The following PDE1C variants were observed in gnomAD, a reference collection of about 807,000 sequenced individuals.
PDE1C encodes dual specificity calcium/calmodulin-dependent 3',5'-cyclic nucleotide phosphodiesterase 1C.
PDE1C carries 62 observed loss-of-function variants against 93.1 expected under a neutral mutation model. That is an observed-to-expected ratio of 0.67 (90% CI 0.54 to 0.82). The LOEUF (loss-of-function observed/expected upper bound fraction) is 0.82, where lower values mean the gene tolerates loss of function less well. PDE1C is among the 40% of genes least tolerant of loss of function. PDE1C has a pLI of 0.00. For missense variants in PDE1C, 742 were observed against 884.6 expected (o/e 0.84, Z 2.04); for synonymous variants, 325 against 310.1 (o/e 1.05, Z -0.50).
At chr7:32,265,400 G>A (rs1184053898) in intron 1 of PDE1C, among the ~76,000 whole-genome samples, 1 of 152,192 alleles carries the variant, frequency 6.6e-6, no homozygotes. Flanking sequence ...AGGCCAATAG[G>A]ACTGTGTCAT....
At chr7:31,864,556 C>A (rs908555172) in intron 7 of PDE1C, among the ~76,000 whole-genome samples, 2 of 152,286 alleles carry the variant, frequency 1.3e-5, no homozygotes, top group African/African-American at 2.4e-5. Flanking sequence ...GCTAACTTTG[C>A]GTAACACGGT....
At chr7:31,717,185 C>G in the PDE1C span, among the ~76,000 whole-genome samples, 1 of 152,270 alleles carries the variant, frequency 6.6e-6, no homozygotes, top group South Asian at 2.1e-4. Flanking sequence ...TTCTCAATGC[C>G]TCTAAAATTT....
chr7:32,394,264 GTT>G (rs1246919791), intron 1 of PDE1C, among the ~76,000 whole-genome samples: 3 of 152,316 alleles, frequency 2.0e-5, no homozygotes, highest in African/African-American at 4.8e-5. Context: ...AGTCAAAAGA[GTT>G]TTTTTAAAAA....
chr7:32,329,949 T>A (rs1296586057), intron 1 of PDE1C, among the ~76,000 whole-genome samples: 1 of 152,240 alleles, frequency 6.6e-6, no homozygotes, highest in Admixed American at 6.5e-5. Context: ...CATGTTGCCT[T>A]TGTCTCCCCA....
At chr7:32,261,875 A>G (rs1810227960) in intron 1 of PDE1C, among the ~76,000 whole-genome samples, 1 of 152,208 alleles carries the variant, frequency 6.6e-6, no homozygotes, top group African/African-American at 2.4e-5. Context: ...GTTTTAAAAT[A>G]TTGTTCTTAA....
intron 1 of PDE1C, among the ~76,000 whole-genome samples, chr7:32,398,026 G>A (rs1390432894): frequency 1.3e-5 from 2 of 152,112 alleles, no homozygotes; most frequent in Non-Finnish European, 2.9e-5. Flanking sequence ...GGTGGCGGGC[G>A]CCTGTAGTCC....
chr7:31,743,156 G>C, the PDE1C span, among the ~76,000 whole-genome samples: 1 of 152,094 alleles, frequency 6.6e-6, no homozygotes, highest in Admixed American at 6.6e-5. Context: ...AGCAATCTTT[G>C]TGAAATATGA....
At chr7:31,738,335 A>G in the PDE1C span, among the ~76,000 whole-genome samples, 1 of 152,152 alleles carries the variant, frequency 6.6e-6, no homozygotes, top group East Asian at 1.9e-4. Context: ...CCTCACAATC[A>G]TGGCGGTAGG....
chr7:32,348,887 GATCAATA>G (rs149528327), intron 1 of PDE1C, among the ~76,000 whole-genome samples: 18,881 of 152,088 alleles, frequency 0.12, 1,600 homozygotes, highest in East Asian at 0.37. Context: ...TCTGATCAAA[GATCAATA>G]AGCAACCAAG....
the PDE1C span, among the ~76,000 whole-genome samples, chr7:31,622,659 A>G: frequency 1.3e-5 from 2 of 152,188 alleles, no homozygotes; most frequent in Admixed American, 1.3e-4. Flanking sequence ...AAAGCAGGAA[A>G]GATCCAAAAT....
the PDE1C span, among the ~76,000 whole-genome samples, chr7:31,676,762 G>GA: frequency 1.3e-5 from 2 of 151,884 alleles, no homozygotes; most frequent in Admixed American, 1.3e-4. Context: ...CACAAAAATT[G>GA]TTTCTATGAA....
At chr7:32,424,671 G>A (rs774631737) in intron 1 of PDE1C, among the ~76,000 whole-genome samples, 5 of 152,058 alleles carry the variant, frequency 3.3e-5, no homozygotes, top group Non-Finnish European at 7.4e-5. Flanking sequence ...AATTAGCTGG[G>A]TGTGTTGGTG....
chr7:32,205,520 A>C (rs1044871338), intron 2 of PDE1C, among the ~76,000 whole-genome samples: 1 of 152,210 alleles, frequency 6.6e-6, no homozygotes, highest in African/African-American at 2.4e-5. Flanking sequence ...AGCACTCTGT[A>C]AAACGGACCA....
intron 11 of PDE1C, among the ~76,000 whole-genome samples, chr7:31,831,096 C>T (rs2128751798): frequency 6.6e-6 from 1 of 152,234 alleles, no homozygotes; most frequent in Non-Finnish European, 1.5e-5. Context: ...TGAGTCTTTT[C>T]AGGTGAAATG....
chr7:31,632,117 A>G, the PDE1C span, among the ~76,000 whole-genome samples: 2 of 152,212 alleles, frequency 1.3e-5, no homozygotes, highest in African/African-American at 4.8e-5. Context: ...TCAATGCCAT[A>G]GACAACACAG....
intron 3 of PDE1C, among the ~76,000 whole-genome samples, chr7:32,152,410 G>T (rs1426347985): frequency 6.6e-6 from 1 of 152,156 alleles, no homozygotes; most frequent in African/African-American, 2.4e-5. Context: ...AACAGCATAG[G>T]CATCCTCTGG....
intron 1 of PDE1C, among the ~76,000 whole-genome samples, chr7:32,380,690 T>C (rs1205091749): frequency 6.6e-6 from 1 of 151,974 alleles, no homozygotes; most frequent in East Asian, 1.9e-4. Flanking sequence ...TGTGACACAC[T>C]TGATCTCCAC....
chr7:32,404,871 T>C (rs938317124), intron 1 of PDE1C, among the ~76,000 whole-genome samples: 3 of 152,236 alleles, frequency 2.0e-5, no homozygotes, highest in Admixed American at 2.0e-4. Flanking sequence ...CTCCTTGTCA[T>C]GTTTGCCTTT....
At chr7:31,643,033 A>T in the PDE1C span, 1 of 1,614,018 alleles carries the variant, frequency 6.2e-7, no homozygotes, top group African/African-American at 1.3e-5. Context: ...TGAGGTCACC[A>T]GACCCACAGC....
Sources: gnomAD v4.1 joint callset for allele counts (sites outside exome capture counted in the v4.1 genomes callset) on GRCh38, gnomAD v4.1.1 for gene constraint, MANE v1.5 for transcripts, NCBI Gene and HGNC (gene_info 2026-07-23, HGNC 2026-07-21) for gene names.